The following TNIK variants were observed in gnomAD, a reference collection of about 807,000 sequenced individuals.
TNIK encodes TRAF2 and NCK-interacting protein kinase.
Under a neutral mutation model 191.3 loss-of-function variants are expected in TNIK, and 49 were observed. That is an observed-to-expected ratio of 0.26 (90% CI 0.20 to 0.32). The LOEUF is 0.32. Ranked by LOEUF, TNIK falls within the 10% of genes least tolerant of loss-of-function variation. The probability of loss-of-function intolerance (pLI) is 1.00; values close to 1 mark genes in which losing one functional copy is unlikely to be tolerated. For missense variants in TNIK, 1,155 were observed against 1,702.3 expected (o/e 0.68, Z 5.66); for synonymous variants, 594 against 600.9 (o/e 0.99, Z 0.17).
At chr3:171,354,844 A>G (rs1430330006) in intron 2 of TNIK, among the ~76,000 whole-genome samples, 1 of 152,212 alleles carries the variant, frequency 6.6e-6, no homozygotes, top group Non-Finnish European at 1.5e-5. Context: ...AGCACATCTG[A>G]CCATAGTATT....
rs1285193157 is a variant in TNIK at position 171,366,679 on chromosome 3, A to G, written c.123+2941T>C. 6.6e-6 allele frequency among the ~76,000 whole-genome samples: 1 copy of G among 152,194 alleles called. No homozygotes were observed. The highest frequency in any genetic ancestry group is 6.5e-5 in the Admixed American group (1 of 15,280). On this transcript the variant is annotated intron_variant, in intron 2 of 32. Transcript: ENST00000436636. The surrounding 1 kb of genome is among the most constrained non-coding windows in gnomAD (Gnocchi z 4.1). ...ATACCTGACTTTATGAAAACCAGGA[A>G]TGCCAAAAGAGAGACTTTAAAAATT...
intron 15 of TNIK, among the ~76,000 whole-genome samples, chr3:171,133,091 C>T (rs1284264306): frequency 1.3e-5 from 2 of 152,194 alleles, no homozygotes; most frequent in Non-Finnish European, 2.9e-5. Context: ...TTTGAGGATG[C>T]CCCTGCTCCG....
At chr3:171,162,160 G>A (rs573733079) in intron 10 of TNIK, among the ~76,000 whole-genome samples, 20 of 152,242 alleles carry the variant, frequency 1.3e-4, no homozygotes, top group South Asian at 6.2e-4. Context: ...GGTGGTTCAC[G>A]CCTGTAATCC....
At chr3:171,440,696 C>T (rs2422299) in intron 1 of TNIK, among the ~76,000 whole-genome samples, 5 of 152,026 alleles carry the variant, frequency 3.3e-5, no homozygotes, top group African/African-American at 4.8e-5. Context: ...CTTTGTGGAG[C>T]TTATAGTCTC....
At chr3:171,427,754 G>A (rs1304285649) in intron 1 of TNIK, among the ~76,000 whole-genome samples, 4 of 152,196 alleles carry the variant, frequency 2.6e-5, no homozygotes, top group African/African-American at 9.7e-5. Flanking sequence ...CCCTTGTGAA[G>A]TTTACAGCCT....
At chr3:171,247,827 A>C (rs936009498) in intron 2 of TNIK, among the ~76,000 whole-genome samples, 1 of 152,234 alleles carries the variant, frequency 6.6e-6, no homozygotes, top group Non-Finnish European at 1.5e-5. Flanking sequence ...GGCAATTATG[A>C]AGCCCCTGGG....
intron 1 of TNIK, among the ~76,000 whole-genome samples, chr3:171,430,647 C>CAAAAA (rs34307433): frequency 8.8e-6 from 1 of 113,970 alleles, no homozygotes; most frequent in South Asian, 3.1e-4. Context: ...AAAAAACAGA[C>CAAAAA]AAAAAAAAAA....
intron 1 of TNIK, among the ~76,000 whole-genome samples, chr3:171,426,459 A>G (rs1295741611): frequency 6.6e-6 from 1 of 151,192 alleles, no homozygotes; most frequent in East Asian, 2.0e-4. Context: ...AATGTAAATG[A>G]CGAGTTAATG....
At chr3:171,347,391 TCACACA>T (rs150384769) in intron 2 of TNIK, among the ~76,000 whole-genome samples, 1,604 of 146,162 alleles carry the variant, frequency 0.011, 7 homozygotes, top group South Asian at 0.021. Context: ...GAAGTGCCTA[TCACACA>T]CACACACACA....
chr3:171,316,937 T>A (rs1423546261), intron 2 of TNIK, among the ~76,000 whole-genome samples: 1 of 133,504 alleles, frequency 7.5e-6, no homozygotes, highest in African/African-American at 2.8e-5. Flanking sequence ...AATATATAAT[T>A]ATATGATATA....
chr3:171,381,281 G>A (rs577033011), intron 1 of TNIK, among the ~76,000 whole-genome samples: 34 of 152,236 alleles, frequency 2.2e-4, no homozygotes, highest in African/African-American at 7.7e-4. Context: ...TGTCAAATAA[G>A]TTTGGGAACA....
chr3:171,198,859 G>C (rs1739049808), intron 4 of TNIK, among the ~76,000 whole-genome samples: 2 of 152,150 alleles, frequency 1.3e-5, no homozygotes, highest in South Asian at 2.1e-4. Flanking sequence ...AAACATGTTT[G>C]TGTCCCTTCT....
At chr3:171,420,726 T>G (rs2108629168) in intron 1 of TNIK, among the ~76,000 whole-genome samples, 1 of 152,282 alleles carries the variant, frequency 6.6e-6, no homozygotes, top group African/African-American at 2.4e-5. Flanking sequence ...ACTCTTGCAC[T>G]TTGGGGCCAT....
At chr3:171,306,595 A>G (rs1362976835) in intron 2 of TNIK, among the ~76,000 whole-genome samples, 1 of 152,180 alleles carries the variant, frequency 6.6e-6, no homozygotes, top group Non-Finnish European at 1.5e-5. Context: ...TAATCTTTCC[A>G]TTTCAGTGAC....
chr3:171,437,949 G>A (rs550363930), intron 1 of TNIK, among the ~76,000 whole-genome samples: 6 of 152,296 alleles, frequency 3.9e-5, no homozygotes, highest in East Asian at 1.9e-4. Context: ...GCCATGAGGC[G>A]GCAAAATGTC....
In TNIK at chr3:171,125,920, G is replaced by T. The variant is rs1328783765; in HGVS notation, c.2005C>A (p.Pro669Thr). Residue 669 changes from proline to threonine, a missense_variant, in exon 17 of 33, where the codon CCA (proline) becomes ACA (threonine). Transcript: ENST00000436636. ...ACCCCAGTAAATATTACCTTTGGTGGAATGTCTTCTTCCTGTCGTAACCAA... is the reference window on the plus strand; with the variant it reads ...ACCCCAGTAAATATTACCTTTGGTGTAATGTCTTCTTCCTGTCGTAACCAA... ...SSWLRQEEDI[P>T]PKVPQRTTSI... The T allele has an allele frequency of 6.2e-7, 1 of 1,613,954 alleles. No homozygotes were observed. The highest frequency in any genetic ancestry group is 2.2e-5 in the East Asian group (1 of 44,884).
chr3:171,336,794 A>G lies in TNIK; in HGVS notation c.123+32826T>C, dbSNP rs187441010. ...CAGTTCCAATTGTGATACCAAATAA[A>G]TATCATGTTTAAGGTCAGCAAAGTG... On this transcript the variant is annotated intron_variant, in intron 2 of 32. Transcript: ENST00000436636. Among the ~76,000 whole-genome samples the G allele has an allele frequency of 1.2e-3, 190 of 152,312 alleles. 1 individual carries two copies. The highest frequency in any genetic ancestry group is 4.4e-3 in the African/African-American group (181 of 41,580).
chr3:171,334,875 CTT>C (rs58249552), intron 2 of TNIK, among the ~76,000 whole-genome samples: 6,698 of 145,880 alleles, frequency 0.046, 359 homozygotes, highest in African/African-American at 0.13. Flanking sequence ...TTATAAGTTT[CTT>C]TTTTTTTTTT....
At chr3:171,440,142 C>T (rs2108685669) in intron 1 of TNIK, among the ~76,000 whole-genome samples, 1 of 152,318 alleles carries the variant, frequency 6.6e-6, no homozygotes, top group South Asian at 2.1e-4. Context: ...CCCAGTTCTG[C>T]AGACTCTTAA....
Sources: gnomAD v4.1 joint callset for allele counts (sites outside exome capture counted in the v4.1 genomes callset) on GRCh38, gnomAD v4.1.1 for gene constraint, Gnocchi (gnomAD v3.1) non-coding constraint, MANE v1.5 for transcripts, NCBI Gene and HGNC (gene_info 2026-07-23, HGNC 2026-07-21) for gene names.